CAMKMT: variants seen among roughly 807,000 people sequenced by gnomAD.
The protein encoded by CAMKMT is calmodulin-lysine N-methyltransferase.
A neutral mutation model predicts 48.0 loss-of-function variants in CAMKMT; 53 were observed. That is an observed-to-expected ratio of 1.10 (90% confidence interval 0.89 to 1.39). The LOEUF (loss-of-function observed/expected upper bound fraction) is 1.39, where lower values mean the gene tolerates loss of function less well. CAMKMT is among the 40% of genes most tolerant of loss of function. The pLI is 0.00. For missense variants in CAMKMT, 428 were observed against 402.7 expected (o/e 1.06, Z -0.54); for synonymous variants, 165 against 152.3 (o/e 1.08, Z -0.61).
intron 3 of CAMKMT, among the ~76,000 whole-genome samples, chr2:44,494,696 G>C (rs1381396598): frequency 6.6e-6 from 1 of 152,210 alleles, no homozygotes; most frequent in African/African-American, 2.4e-5. Context: ...ACAGGTTAGA[G>C]TTAGTTAAAA....
At position 44,408,648 on chromosome 2, in the gene CAMKMT, G is replaced by T. The variant is rs569267463; in HGVS notation, c.376+18343G>T. On this transcript the variant is annotated intron_variant, in intron 3 of 10. Transcript: ENST00000378494. ...TAACTTCAAAGTCTGAACTCATTTT[G>T]TTTTATTACTCTGCCTCCCAAGACT... 4.9e-4 allele frequency among the ~76,000 whole-genome samples: 74 copies of T among 152,124 alleles called. 1 individual carries two copies. Among genetic ancestry groups the T allele is most frequent in the African/African-American group, 1.7e-3 (71 of 41,520 alleles).
chr2:44,590,766 C>T (rs1259069473), intron 3 of CAMKMT, among the ~76,000 whole-genome samples: 1 of 152,074 alleles, frequency 6.6e-6, no homozygotes, highest in African/African-American at 2.4e-5. Context: ...AATGAGATCC[C>T]ATTTGTCAAT....
At chr2:44,614,953 T>TTTTTTTTTTTTTTTTTTTTC (rs1459090690) in intron 3 of CAMKMT, among the ~76,000 whole-genome samples, 1 of 133,418 alleles carries the variant, frequency 7.5e-6, no homozygotes, top group African/African-American at 3.0e-5. Flanking sequence ...TTTTTTTTTT[T>TTTTTTTTTTTTTTTTTTTTC]TTTTTTTGAG....
At chr2:44,675,948 T>C (rs1243363552) in intron 3 of CAMKMT, among the ~76,000 whole-genome samples, 2 of 152,352 alleles carry the variant, frequency 1.3e-5, no homozygotes, top group East Asian at 3.9e-4. Context: ...GGCTAGCTTG[T>C]TTTACTTAGC....
intron 3 of CAMKMT, among the ~76,000 whole-genome samples, 178 bp downstream of exon 3, chr2:44,390,483 C>T (rs1020224458): frequency 1.4e-5 from 2 of 143,952 alleles, no homozygotes; most frequent in Non-Finnish European, 3.0e-5. Context: ...GGTACACCGA[C>T]AAAATGGGAT....
chr2:44,385,455 G>A (rs1680695361), intron 2 of CAMKMT, among the ~76,000 whole-genome samples: 1 of 151,606 alleles, frequency 6.6e-6, no homozygotes, highest in African/African-American at 2.4e-5. Context: ...CCTCTTTACT[G>A]ATGCCCTTTC....
At chr2:44,537,643 C>T (rs1223856150) in intron 3 of CAMKMT, among the ~76,000 whole-genome samples, 2 of 152,054 alleles carry the variant, frequency 1.3e-5, no homozygotes, top group Non-Finnish European at 2.9e-5. Context: ...TGGCTCACTG[C>T]AGCCTCGACC....
intron 3 of CAMKMT, among the ~76,000 whole-genome samples, chr2:44,659,225 A>G (rs1236402598): frequency 6.6e-6 from 1 of 151,856 alleles, no homozygotes; most frequent in Non-Finnish European, 1.5e-5. Context: ...GTTCAAGATC[A>G]GCTTAGGCAA....
intron 3 of CAMKMT, among the ~76,000 whole-genome samples, chr2:44,608,716 G>A (rs907497862): frequency 2.0e-5 from 3 of 151,756 alleles, no homozygotes; most frequent in African/African-American, 7.3e-5. Context: ...ACTGTATTTG[G>A]CTGATATTTC....
intron 9 of CAMKMT, among the ~76,000 whole-genome samples, chr2:44,758,846 A>G (rs994573412): frequency 6.6e-6 from 1 of 152,220 alleles, no homozygotes; most frequent in Non-Finnish European, 1.5e-5. Context: ...GACAACCAAC[A>G]AATGGTATCT....
chr2:44,361,980 A>T lies in CAMKMT; in HGVS notation c.-28A>T, dbSNP rs1677890720. 7.3e-7 allele frequency: 1 copy of T among 1,364,720 alleles called. No individual in the cohort carries two copies. Among genetic ancestry groups the T allele is most frequent in the African/African-American group, 1.5e-5 (1 of 65,336 alleles). The allele number at this position is 1,364,720 out of a possible 1,614,324, so 84.5% of individuals were successfully genotyped here. On this transcript the variant is annotated 5_prime_UTR_variant, in exon 1 of 11. Coordinates refer to ENST00000378494, the MANE Select transcript of CAMKMT (RefSeq NM_024766.5). ...GCAGGGGACGAGCTGCGGCGGTGGC[A>T]CCTCCGGGTGTGGAAGGCTCCAGTG...
At chr2:44,536,369 G>A (rs112643570) in intron 3 of CAMKMT, among the ~76,000 whole-genome samples, 13,379 of 150,892 alleles carry the variant, frequency 0.089, 689 homozygotes, top group Admixed American at 0.16. Context: ...CTGTTGCCCC[G>A]GCTGGAGTGC....
intron 3 of CAMKMT, among the ~76,000 whole-genome samples, chr2:44,397,600 C>T (rs367791052): frequency 5.3e-5 from 8 of 151,744 alleles, no homozygotes; most frequent in African/African-American, 1.5e-4. Flanking sequence ...ATCAGGTAAG[C>T]GTGCCCCTAA....
intron 3 of CAMKMT, among the ~76,000 whole-genome samples, chr2:44,602,535 A>G (rs535666768): frequency 6.6e-6 from 1 of 152,080 alleles, no homozygotes; most frequent in Non-Finnish European, 1.5e-5. Context: ...GCTCTAAAGA[A>G]CTACCTGAGA....
At position 44,556,627 on chromosome 2, in the gene CAMKMT, G is replaced by A. The variant is rs370743370; in HGVS notation, c.377-147656G>A. Among the ~76,000 whole-genome samples the A allele has an allele frequency of 6.7e-4, 43 of 64,240 alleles. 7 individuals are homozygous for A. In the East Asian group the frequency reaches 8.8e-3, roughly 13 times the overall value. The allele number at this position is 64,240 out of a possible 152,430, so 42.1% of individuals were successfully genotyped here. ...TGGGACTACAGGCGCCCGCCACCGC[G>A]CCCGGCTAATTTTTTGTATTTTTAG... On this transcript the variant is annotated intron_variant, in intron 3 of 10. Coordinates refer to ENST00000378494, the MANE Select transcript of CAMKMT (RefSeq NM_024766.5).
At chr2:44,769,450 C>G (rs1227003597) in intron 10 of CAMKMT, among the ~76,000 whole-genome samples, 1 of 152,160 alleles carries the variant, frequency 6.6e-6, no homozygotes, top group African/African-American at 2.4e-5. Context: ...CTCTCCTCCC[C>G]AGCCTTTTGG....
intron 8 of CAMKMT, among the ~76,000 whole-genome samples, chr2:44,751,285 T>C (rs1330698807): frequency 1.3e-5 from 2 of 152,206 alleles, no homozygotes; most frequent in Non-Finnish European, 2.9e-5. Context: ...CATTATTTCA[T>C]GCTCAGGAGT....
At chr2:44,661,527 G>C (rs142055226) in intron 3 of CAMKMT, among the ~76,000 whole-genome samples, 1 of 151,994 alleles carries the variant, frequency 6.6e-6, no homozygotes, top group Admixed American at 6.5e-5. Flanking sequence ...TGTTGGCCAG[G>C]CTGGTCTTGA....
intron 3 of CAMKMT, among the ~76,000 whole-genome samples, chr2:44,604,826 G>C (rs1206254145): frequency 6.6e-6 from 1 of 152,054 alleles, no homozygotes; most frequent in East Asian, 1.9e-4. Flanking sequence ...ATGACACAGA[G>C]TTGTTGACTT....
Sources: allele counts gnomAD v4.1 joint callset (sites outside exome capture counted in the v4.1 genomes callset), GRCh38; gene constraint gnomAD v4.1.1; transcripts MANE v1.5; gene names NCBI Gene and HGNC (gene_info 2026-07-23, HGNC 2026-07-21).